Variants in OTOF observed in about 807,000 individuals in gnomAD.
OTOF encodes otoferlin, also known as fer-1-like family member 2.
Under a neutral mutation model 236.8 loss-of-function variants are expected in OTOF, and 218 were observed. The ratio of observed to expected loss-of-function variants is 0.92; its 90% CI spans 0.82 to 1.03. The LOEUF (loss-of-function observed/expected upper bound fraction) is 1.03. OTOF is among the 50% of genes least tolerant of loss of function. The pLI is 0.00. For synonymous variants in OTOF, 1,041 were observed against 1,072.5 expected (o/e 0.97, Z 0.57); for missense variants, 2,590 against 2,694.4 (o/e 0.96, Z 0.86).
In OTOF at chr2:26,516,600, C is replaced by T; in HGVS notation, c.328-1G>A. On this transcript the variant is annotated splice_acceptor_variant, in intron 4 of 46. Coordinates refer to ENST00000272371, the MANE Select transcript of OTOF (RefSeq NM_194248.3). LOFTEE classifies it high-confidence loss of function. ...ACCGGACCTCCACGCACAGGCTGGT[C>T]TGAAGGGAGGGAGGCGGTGGTGAGC... 1 of 1,604,550 alleles carries T rather than the reference C, an allele frequency of 6.2e-7. No individual in the cohort carries two copies. Among genetic ancestry groups the T allele is most frequent in the Non-Finnish European group, 8.5e-7 (1 of 1,179,950 alleles).
Position 26,465,995 on chromosome 2 carries a change from C to G in OTOF, c.4582G>C (p.Asp1528His). The change falls in exon 37 of 47, where the codon GAC becomes CAC. Residue 1528 changes from aspartate to histidine, a missense_variant. Asp to His is a moderately conservative substitution (Grantham distance 81, BLOSUM62 -1). This residue lies in a region of OTOF where 1,211 missense variants were observed against 1,352.8 expected (regional missense o/e 0.90). Transcript: ENST00000272371. Reference protein sequence around the residue: ...AIRLGKTDIRDKENYISKQLN... With the variant: ...AIRLGKTDIRHKENYISKQLN... ...TGCTTGGAGATGTAGTTCTCCTTGT[C>G]GCGGATGTCAGTCTTGCCTAGCCGG... 6.2e-7 allele frequency: 1 copy of G among 1,614,224 alleles called. No individual in the cohort carries two copies. Among genetic ancestry groups the G allele is most frequent in the Non-Finnish European group, 8.5e-7 (1 of 1,180,030 alleles).
chr2:26,473,972 C>G lies in OTOF; in HGVS notation c.3408+19G>C. On this transcript the variant is annotated intron_variant, in intron 27 of 46. Coordinates refer to ENST00000272371, the MANE Select transcript of OTOF (RefSeq NM_194248.3). The surrounding 1 kb of genome is among the most constrained non-coding windows in gnomAD (Gnocchi z 7.2). ...AGACTCCTCATCCAAAAGGGAAGGG[C>G]CACACAGAGCCCTCGCACCTCCACT... 6.2e-7 allele frequency: 1 copy of G among 1,612,744 alleles called. No individual in the cohort carries two copies.
At chr2:26,459,930 ATGTGTGCGTGTATATGTGTG>A in intron 46 of OTOF, 58 bp downstream of exon 46, 1 of 1,338,692 alleles carries the variant, frequency 7.5e-7, no homozygotes, top group Non-Finnish European at 1.0e-6. Flanking sequence ...GTGTTTGTGG[ATGTGTGCGTGTATATGTGTG>A]TGTGTGCACG....
intron 2 of OTOF, among the ~76,000 whole-genome samples, chr2:26,537,461 TG>T (rs1667100040): frequency 6.6e-6 from 1 of 152,144 alleles, no homozygotes; most frequent in Non-Finnish European, 1.5e-5. Flanking sequence ...GCCGTCGAGG[TG>T]GGCGAGGCTG....
At chr2:26,459,934 G>T in intron 46 of OTOF, 74 bp downstream of exon 46, 2 of 1,364,574 alleles carry the variant, frequency 1.5e-6, no homozygotes, top group Non-Finnish European at 2.0e-6. Context: ...TTGTGGATGT[G>T]TGCGTGTATA....
chr2:26,491,002 GACACCT>G (rs1476025499), intron 9 of OTOF, among the ~76,000 whole-genome samples: 1 of 152,180 alleles, frequency 6.6e-6, no homozygotes, highest in Non-Finnish European at 1.5e-5. Context: ...GATGGTAACT[GACACCT>G]TGGAGATGGA....
chr2:26,537,699 A>G lies in OTOF; in HGVS notation c.138+17T>C, dbSNP rs1572488671. On this transcript the variant is annotated intron_variant, in intron 2 of 46. Coordinates refer to ENST00000272371, the MANE Select transcript of OTOF (RefSeq NM_194248.3). ...TGGGCTCAGGGCTGAGGGAGGGGGG[A>G]GTCTTGGGCCTCCTACCTCATCAAA... 6.5e-7 allele frequency: 1 copy of G among 1,545,160 alleles called. No individual in the cohort carries two copies. Among genetic ancestry groups the G allele is most frequent in the Non-Finnish European group, 8.8e-7 (1 of 1,141,164 alleles).
Position 26,473,532 on chromosome 2 carries a change from C to T in OTOF, c.3444G>A (p.Val1148=), listed in dbSNP as rs1237205709. The change falls in exon 28 of 47, where the codon GTG becomes GTA. Residue 1148 remains valine (V), a synonymous_variant. Coordinates refer to ENST00000272371, the MANE Select transcript of OTOF (RefSeq NM_194248.3). The surrounding 1 kb of genome is among the most constrained non-coding windows in gnomAD (Gnocchi z 7.2). ...GTGGCCGGTCCACCTGGGCCAGGTT[C>T]ACCCGCTTTAGGTCCCGTAGGCCCC... is the stretch of plus-strand genomic sequence containing the variant. ...LFWGLRDLKR[V]NLAQVDRPRV... 1 of 1,611,516 alleles carries T rather than the reference C, an allele frequency of 6.2e-7. No individual in the cohort carries two copies. The highest frequency in any genetic ancestry group is 8.5e-7 in the Non-Finnish European group (1 of 1,179,710).
In OTOF at chr2:26,473,658, G is replaced by C; in HGVS notation, c.3409-91C>G. 1 of 1,341,086 alleles carries C rather than the reference G, an allele frequency of 7.5e-7. No homozygotes were observed. The highest frequency in any genetic ancestry group is 1.4e-5 in the South Asian group (1 of 73,326). The allele number at this position is 1,341,086 out of a possible 1,614,324, so 83.1% of individuals were successfully genotyped here. ...GTGCTGGACCATCCAATAGGGAACC[G>C]GGCAGTGGGATGGGCAGTAGTTCAC... On this transcript the variant is annotated intron_variant, in intron 27 of 46. Coordinates refer to ENST00000272371, the MANE Select transcript of OTOF (RefSeq NM_194248.3). The surrounding 1 kb of genome is among the most constrained non-coding windows in gnomAD (Gnocchi z 7.2).
chr2:26,518,104 T>C (rs1456979559), intron 4 of OTOF, among the ~76,000 whole-genome samples: 1 of 152,232 alleles, frequency 6.6e-6, no homozygotes, highest in Non-Finnish European at 1.5e-5. Context: ...GCTGCAGTCC[T>C]GGCTTCTGAG....
chr2:26,472,594 G>C lies in OTOF; in HGVS notation c.3789C>G (p.Ser1263=), dbSNP rs774236055. 1 of 1,613,246 alleles carries C rather than the reference G, an allele frequency of 6.2e-7. No homozygotes were observed. Among genetic ancestry groups the C allele is most frequent in the East Asian group, 2.2e-5 (1 of 44,874 alleles). The part of the protein sequence containing the change: ...VLCNGGSSSH[S]TGEVVVTMEP... The stretch of plus-strand genomic sequence containing the variant: ...CCATAGTCACCACAACCTCCCCTGT[G>C]GAGTGAGAGGAGGAGCCCCCATTGC... Residue 1263 remains serine (S), a synonymous_variant, in exon 30 of 47, where the codon TCC becomes TCG. Coordinates refer to ENST00000272371, the MANE Select transcript of OTOF (RefSeq NM_194248.3).
At chr2:26,480,753 C>T (rs1558489344) in intron 15 of OTOF, 33 bp downstream of exon 15, 2 of 1,568,858 alleles carry the variant, frequency 1.3e-6, no homozygotes, top group African/African-American at 2.7e-5. Context: ...GAGCTGGAGG[C>T]CCTGGGGGAC....
intron 2 of OTOF, among the ~76,000 whole-genome samples, chr2:26,530,590 CCT>C (rs1219650538): frequency 2.0e-5 from 3 of 152,184 alleles, no homozygotes; most frequent in South Asian, 2.1e-4. Flanking sequence ...TCTTTCCTCC[CCT>C]GTCTCCCTCC....
chr2:26,506,964 TGGGCGACA>T (rs1433992280), intron 5 of OTOF, among the ~76,000 whole-genome samples: 2 of 152,342 alleles, frequency 1.3e-5, no homozygotes, highest in African/African-American at 4.8e-5. Flanking sequence ...CACTCCAGCC[TGGGCGACA>T]GAGTGAGACT....
rs1317660474 is a variant in OTOF at position 26,519,079 on chromosome 2, C to G, written c.258G>C (p.Gln86His). 6.2e-7 allele frequency: 1 copy of G among 1,607,496 alleles called. No homozygotes were observed. Among genetic ancestry groups the G allele is most frequent in the South Asian group, 1.1e-5 (1 of 89,988 alleles). ...CCACATGGCTCTCCTCTACCACCTTCTGCAGCACCATGCGGAAGGTCCCGA... is the reference window on the plus strand; with the variant it reads ...CCACATGGCTCTCCTCTACCACCTTGTGCAGCACCATGCGGAAGGTCCCGA... Reference protein sequence around the residue: ...KLIGTFRMVLQKVVEESHVEV... With the variant: ...KLIGTFRMVLHKVVEESHVEV... The change falls in exon 4 of 47, where the codon CAG (glutamine) becomes CAC (histidine). Residue 86 changes from glutamine (Q) to histidine (H), a missense_variant. Around this residue, in one of 2 missense-constraint regions of OTOF, gnomAD observed 1,379 missense variants for 1,341.6 expected, o/e 1.03. Transcript: ENST00000272371.
intron 5 of OTOF, among the ~76,000 whole-genome samples, chr2:26,507,738 G>C (rs1247380320): frequency 2.0e-5 from 3 of 152,196 alleles, no homozygotes; most frequent in African/African-American, 7.2e-5. Flanking sequence ...GGGGAGGCCA[G>C]TATCCCAGGA....
Position 26,472,609 on chromosome 2 carries a change from G to T in OTOF, c.3774C>A (p.Gly1258=). 2 of 1,613,230 alleles carry T rather than the reference G, an allele frequency of 1.2e-6. No individual in the cohort carries two copies. Among genetic ancestry groups the T allele is most frequent in the Non-Finnish European group, 1.7e-6 (2 of 1,179,840 alleles). ...CCTCCCCTGTGGAGTGAGAGGAGGA[G>T]CCCCCATTGCACAGCACACGGCAGC... ...LRRCRVLCNG[G]SSSHSTGEVV... Residue 1258 remains glycine, a synonymous_variant, in exon 30 of 47, where the codon GGC becomes GGA. Transcript: ENST00000272371.
At chr2:26,495,857 C>G (rs111365729) in intron 8 of OTOF, among the ~76,000 whole-genome samples, 1 of 152,238 alleles carries the variant, frequency 6.6e-6, no homozygotes, top group African/African-American at 2.4e-5. Context: ...ATAAAGCTTT[C>G]AAAGTCTTCA....
intron 35 of OTOF, 54 bp downstream of exon 35, chr2:26,467,045 G>A (rs58540417): frequency 5.6e-5 from 80 of 1,427,586 alleles, no homozygotes; most frequent in African/African-American, 2.3e-4. Context: ...GGGAACCTGT[G>A]GGGGGGGCAA....
Sources: allele counts gnomAD v4.1 joint callset (sites outside exome capture counted in the v4.1 genomes callset), GRCh38; gene constraint gnomAD v4.1.1; regional missense constraint gnomAD v4.1.1; non-coding constraint Gnocchi (gnomAD v3.1); transcripts MANE v1.5; gene names NCBI Gene and HGNC (gene_info 2026-07-23, HGNC 2026-07-21).